The following ATP13A4 variants were observed in gnomAD, a reference collection of about 807,000 sequenced individuals.
ATP13A4 encodes probable cation-transporting ATPase 13A4.
Under a neutral mutation model 142.5 loss-of-function variants are expected in ATP13A4, and 114 were observed. The observed-to-expected ratio is 0.80, with a 90% CI of 0.69 to 0.93. ATP13A4 has a LOEUF of 0.93. Among genes scored for constraint, ATP13A4 ranks in the 40% least tolerant of loss-of-function variants. The pLI is 0.00. For missense variants in ATP13A4, 1,392 were observed against 1,454.0 expected (o/e 0.96, Z 0.69); for synonymous variants, 488 against 514.8 (o/e 0.95, Z 0.70).
intron 1 of ATP13A4, among the ~76,000 whole-genome samples, chr3:193,546,967 C>T (rs1399155586): frequency 6.6e-6 from 1 of 152,162 alleles, no homozygotes; most frequent in Non-Finnish European, 1.5e-5. Context: ...CTTACTATTG[C>T]CATCCCTACT....
intron 1 of ATP13A4, among the ~76,000 whole-genome samples, chr3:193,521,134 A>G (rs763712220): frequency 1.3e-5 from 2 of 152,178 alleles, no homozygotes; most frequent in Non-Finnish European, 2.9e-5. Flanking sequence ...ATTGCCTACT[A>G]TGTCTAAGAC....
At chr3:193,506,510 A>G (rs2108679527) in intron 2 of ATP13A4, among the ~76,000 whole-genome samples, 1 of 152,318 alleles carries the variant, frequency 6.6e-6, no homozygotes, top group Non-Finnish European at 1.5e-5. Context: ...GACATTTTTT[A>G]TTTCCTGTGG....
intron 2 of ATP13A4, among the ~76,000 whole-genome samples, chr3:193,565,456 A>T (rs980553223): frequency 2.0e-5 from 3 of 152,222 alleles, no homozygotes; most frequent in East Asian, 1.9e-4. Flanking sequence ...AATTGGGGTC[A>T]TGAATTTCTG....
At chr3:193,444,889 C>T (rs984960049) in intron 18 of ATP13A4, among the ~76,000 whole-genome samples, 1 of 152,214 alleles carries the variant, frequency 6.6e-6, no homozygotes, top group African/African-American at 2.4e-5. Flanking sequence ...GAGCCCTGAG[C>T]GCTCATAGGC....
At chr3:193,545,256 C>A (rs1723155456) in intron 1 of ATP13A4, among the ~76,000 whole-genome samples, 2 of 152,160 alleles carry the variant, frequency 1.3e-5, no homozygotes, top group African/African-American at 2.4e-5. Flanking sequence ...ATAGTTCCCC[C>A]AAGAAGGCAA....
At chr3:193,468,621 C>T (rs1029576834) in intron 9 of ATP13A4, among the ~76,000 whole-genome samples, 4 of 152,160 alleles carry the variant, frequency 2.6e-5, no homozygotes, top group Admixed American at 2.6e-4. Context: ...GTGGTGCATG[C>T]CTATAATCCC....
At chr3:193,535,299 A>G (rs1374593531) in intron 1 of ATP13A4, among the ~76,000 whole-genome samples, 1 of 152,184 alleles carries the variant, frequency 6.6e-6, no homozygotes, top group African/African-American at 2.4e-5. Context: ...AGCAGACCTC[A>G]ACTAATTTAA....
chr3:193,441,123 T>C (rs1388192726), intron 20 of ATP13A4, among the ~76,000 whole-genome samples: 2 of 152,148 alleles, frequency 1.3e-5, no homozygotes, highest in Non-Finnish European at 2.9e-5. Context: ...CCTTTATTCT[T>C]GGTCTGCTTT....
At chr3:193,493,469 C>T (rs1297247631) in intron 3 of ATP13A4, among the ~76,000 whole-genome samples, 1 of 152,004 alleles carries the variant, frequency 6.6e-6, no homozygotes, top group African/African-American at 2.4e-5. Flanking sequence ...ACAAGGCATA[C>T]AGTCCAATAT....
At chr3:193,427,628 G>C (rs1392875511) in intron 25 of ATP13A4, among the ~76,000 whole-genome samples, 2 of 152,004 alleles carry the variant, frequency 1.3e-5, no homozygotes, top group Admixed American at 6.6e-5. Flanking sequence ...CCCTCAGAAA[G>C]AATACCACAC....
intron 1 of ATP13A4, among the ~76,000 whole-genome samples, chr3:193,542,992 T>C (rs1181221763): frequency 1.3e-5 from 2 of 152,018 alleles, no homozygotes; most frequent in African/African-American, 2.4e-5. Flanking sequence ...GGTGAAACCC[T>C]GTCTCTACTA....
chr3:193,412,137 C>A (rs1714800965), intron 27 of ATP13A4, 41 bp downstream of exon 27: 2 of 1,535,754 alleles, frequency 1.3e-6, no homozygotes, highest in East Asian at 4.5e-5. Flanking sequence ...GTTCCCCTCT[C>A]TGATGACTTC....
chr3:193,589,678 AT>A (rs768125488), intron 1 of ATP13A4, among the ~76,000 whole-genome samples: 4 of 152,142 alleles, frequency 2.6e-5, no homozygotes, highest in African/African-American at 7.2e-5. Flanking sequence ...TCAGAAAAAT[AT>A]TTTTAACATG....
intron 16 of ATP13A4, among the ~76,000 whole-genome samples, chr3:193,455,911 T>C (rs1717582106): frequency 6.6e-6 from 1 of 152,188 alleles, no homozygotes; most frequent in Non-Finnish European, 1.5e-5. Flanking sequence ...CTGGAGGTCA[T>C]TATCCTTAGC....
rs915117153 is a variant in ATP13A4, at chr3:193,417,142, T to C, written c.2843-2392A>G. ...TACCTGGCAAAACTGTCCTTCAAAA[T>C]CGAGGGAGAAATTAAGACATCCCAG... On this transcript the variant is annotated intron_variant, in intron 25 of 29. Coordinates refer to ENST00000342695, the MANE Select transcript of ATP13A4 (RefSeq NM_032279.4). 3.9e-5 allele frequency: 6 copies of C among 152,228 alleles called. No individual in the cohort carries two copies. The East Asian group carries it at 1.2e-3, about 29-fold the overall frequency. 9.4% of individuals were successfully genotyped at this position (152,228 alleles called of 1,614,324 possible).
chr3:193,405,398 G>A (rs777934542), intron 29 of ATP13A4, among the ~76,000 whole-genome samples: 1 of 152,184 alleles, frequency 6.6e-6, no homozygotes, highest in African/African-American at 2.4e-5. Context: ...AGACACAAGT[G>A]TAATCGATAA....
Position 193,502,609 on chromosome 3 carries a change from CCT to C in ATP13A4, c.263_264del (p.Lys88SerfsTer18), listed in dbSNP as rs1454090295. On this transcript the variant is annotated frameshift_variant, in exon 3 of 30. Transcript: ENST00000342695. LOFTEE classifies it high-confidence loss of function. The stretch of plus-strand genomic sequence containing the variant: ...AATGCTGACAGGTAGATCCATATTA[CCT>C]TTTTCCAAGAGTAAATTTGGAATTC... ...TDEFQIYSWK[K>X]VIWIYLSALN... 1 of 1,613,990 alleles carries C rather than the reference CCT, an allele frequency of 6.2e-7. No homozygotes were observed. Among genetic ancestry groups the C allele is most frequent in the South Asian group, 1.1e-5 (1 of 91,082 alleles).
intron 2 of ATP13A4, among the ~76,000 whole-genome samples, chr3:193,563,313 C>T (rs1452272882): frequency 6.6e-6 from 1 of 152,148 alleles, no homozygotes; most frequent in Non-Finnish European, 1.5e-5. Context: ...CCACAGATCT[C>T]ACCAGCCTAA....
At chr3:193,503,968 G>A (rs1160979207) in intron 2 of ATP13A4, among the ~76,000 whole-genome samples, 1 of 142,852 alleles carries the variant, frequency 7.0e-6, no homozygotes, top group African/African-American at 2.6e-5. Flanking sequence ...CTGCACTTCA[G>A]CCAGGCTTAG....
Sources: gnomAD v4.1 joint callset for allele counts (sites outside exome capture counted in the v4.1 genomes callset) on GRCh38, gnomAD v4.1.1 for gene constraint, MANE v1.5 for transcripts, NCBI Gene and HGNC (gene_info 2026-07-23, HGNC 2026-07-21) for gene names.